The following KATNIP variants were observed in gnomAD, a reference collection of about 807,000 sequenced individuals.
KATNIP encodes the protein katanin interacting protein.
Under a neutral mutation model 174.0 loss-of-function variants are expected in KATNIP, and 126 were observed. That is an observed-to-expected ratio of 0.72 (90% CI 0.63 to 0.84). The LOEUF is 0.84. Among genes scored for constraint, KATNIP ranks in the 40% least tolerant of loss-of-function variants. The pLI is 0.00. For missense variants in KATNIP, 1,958 were observed against 2,109.7 expected, an observed-to-expected ratio of 0.93 and a Z score of 1.41; for synonymous variants, 810 against 835.7, an observed-to-expected ratio of 0.97 and a Z score of 0.53.
chr16:27,715,987 A>G (rs1184724600), intron 13 of KATNIP, among the ~76,000 whole-genome samples: 1 of 152,174 alleles, frequency 6.6e-6, no homozygotes, highest in Non-Finnish European at 1.5e-5. Context: ...AAAAAAAAAA[A>G]AAACTTGTAC....
chr16:27,562,108 C>G (rs1261509300), intron 1 of KATNIP, among the ~76,000 whole-genome samples: 1 of 152,144 alleles, frequency 6.6e-6, no homozygotes, highest in Non-Finnish European at 1.5e-5. Flanking sequence ...GAGTTTGAGA[C>G]CATCCTGGGC....
chr16:27,574,090 G>A (rs973925925), intron 2 of KATNIP, 134 bp downstream of exon 2: 3 of 713,226 alleles, frequency 4.2e-6, no homozygotes, highest in Admixed American at 4.7e-5. Flanking sequence ...TGGAGCAAAT[G>A]ATAGTGAGCA....
chr16:27,685,769 G>A (rs1206899583), intron 8 of KATNIP, among the ~76,000 whole-genome samples: 1 of 152,186 alleles, frequency 6.6e-6, no homozygotes, highest in African/African-American at 2.4e-5. Flanking sequence ...CTGTGGCTAA[G>A]AGGAAAGCTG....
intron 2 of KATNIP, among the ~76,000 whole-genome samples, chr16:27,590,991 A>G (rs1356740822): frequency 6.6e-6 from 1 of 152,096 alleles, no homozygotes; most frequent in African/African-American, 2.4e-5. Context: ...CGGGTAGGAG[A>G]GGCTGATATA....
At chr16:27,640,121 G>A (rs1211828123) in intron 5 of KATNIP, among the ~76,000 whole-genome samples, 5 of 152,250 alleles carry the variant, frequency 3.3e-5, no homozygotes, top group Non-Finnish European at 7.3e-5. Flanking sequence ...ACTGGGCTGA[G>A]TGTGGGCCAG....
chr16:27,648,690 G>A lies in KATNIP; in HGVS notation c.495G>A (p.Gly165=), dbSNP rs2077033184. ...ATTCTGATGATTTTGAGCTGTGTGG[G>A]GATGTGACTCTCCAGGCAAACAACA... is the stretch of plus-strand genomic sequence containing the variant. The part of the protein sequence containing the change: ...VDYSDDFELC[G]DVTLQANNTS... Residue 165 remains glycine, a synonymous_variant, in exon 6 of 28, where the codon GGG becomes GGA. Transcript: ENST00000261588. 1 of 1,614,090 alleles carries A rather than the reference G, an allele frequency of 6.2e-7. No homozygotes were observed. Among genetic ancestry groups the A allele is most frequent in the African/African-American group, 1.3e-5 (1 of 74,940 alleles).
At chr16:27,617,620 A>G (rs1456662893) in intron 2 of KATNIP, among the ~76,000 whole-genome samples, 1 of 152,222 alleles carries the variant, frequency 6.6e-6, no homozygotes, top group Non-Finnish European at 1.5e-5. Flanking sequence ...AAGAGGAGAC[A>G]CAGAACCACA....
intron 6 of KATNIP, among the ~76,000 whole-genome samples, chr16:27,649,810 G>A (rs1280599711): frequency 6.6e-6 from 1 of 152,262 alleles, no homozygotes; most frequent in African/African-American, 2.4e-5. Context: ...AGAGAAGGCA[G>A]TGTTAGCCAG....
At position 27,709,002 on chromosome 16, in the gene KATNIP, G is replaced by A. The variant is rs75842085; in HGVS notation, c.1605+82G>A. The A allele has an allele frequency of 1.4e-3, 1,651 of 1,164,356 alleles. 54 individuals carry two copies. The East Asian group carries it at 0.038, about 27-fold the overall frequency. The allele number at this position is 1,164,356 out of a possible 1,614,324, so 72.1% of individuals were successfully genotyped here. A position where few individuals can be genotyped will look rare whatever the true frequency, so the allele number is the denominator to read the frequency against. On this transcript the variant is annotated intron_variant, in intron 13 of 27. Coordinates refer to ENST00000261588, the MANE Select transcript of KATNIP (RefSeq NM_015202.5). ...TGCCCTTGGTAAATCTGTGTTAAGGGTATGAGTGGAGGGAGGGGAAGAACA... is the reference window on the plus strand; with the variant it reads ...TGCCCTTGGTAAATCTGTGTTAAGGATATGAGTGGAGGGAGGGGAAGAACA...
rs576974554 is a variant in KATNIP at position 27,698,215 on chromosome 16, G to C, written c.941-113G>C. ...GTCTTTTACCGCCTTGACATTTTTG[G>C]AGAGTATGGGCCAGTTGTTTTATAG... is the stretch of plus-strand genomic sequence containing the variant. On this transcript the variant is annotated intron_variant, in intron 8 of 27. Transcript: ENST00000261588. The C allele has an allele frequency of 2.3e-5, 25 of 1,091,328 alleles. 1 individual carries two copies. The East Asian group carries it at 5.5e-4, about 24-fold the overall frequency. 67.6% of individuals were successfully genotyped at this position (1,091,328 alleles called of 1,614,324 possible).
At chr16:27,760,587 G>A (rs1244236905) in intron 18 of KATNIP, among the ~76,000 whole-genome samples, 3 of 152,226 alleles carry the variant, frequency 2.0e-5, no homozygotes, top group Admixed American at 2.0e-4. Flanking sequence ...TAAAATGTCA[G>A]TTTCCAGCGC....
rs1240043023 is a variant in KATNIP, at chr16:27,622,686, CA to C, written c.140+4189del. ...GGAAACTTACAGGAAAACTTGCCCA[CA>C]AAAGTGCTGGGCCTGCAGCCCCAGG... On this transcript the variant is annotated intron_variant, in intron 3 of 27. Transcript: ENST00000261588. 1.4e-4 allele frequency among the ~76,000 whole-genome samples: 22 copies of C among 152,266 alleles called. No individual in the cohort carries two copies. In the East Asian group the frequency reaches 4.3e-3, roughly 29 times the overall value.
chr16:27,628,402 C>T (rs2076391199), intron 3 of KATNIP, among the ~76,000 whole-genome samples: 2 of 152,206 alleles, frequency 1.3e-5, no homozygotes, highest in African/African-American at 2.4e-5. Flanking sequence ...TGTTCTTTTT[C>T]GCTAATGTGT....
intron 14 of KATNIP, among the ~76,000 whole-genome samples, chr16:27,725,548 CAA>C (rs2143079035): frequency 6.6e-6 from 1 of 152,294 alleles, no homozygotes; most frequent in African/African-American, 2.4e-5. Context: ...TGGTAAGAGA[CAA>C]AGCCGGGAAG....
intron 11 of KATNIP, 58 bp from the exon 12 acceptor site, chr16:27,703,838 G>A (rs2079194325): frequency 7.8e-7 from 1 of 1,286,366 alleles, no homozygotes; most frequent in African/African-American, 1.5e-5. Context: ...TGATTGGAAT[G>A]TTCTCTTTTG....
chr16:27,600,507 T>A (rs1333127792), intron 2 of KATNIP, among the ~76,000 whole-genome samples: 2 of 152,174 alleles, frequency 1.3e-5, no homozygotes, highest in Admixed American at 1.3e-4. Context: ...CAGCAGGCTT[T>A]GATCACTCTC....
chr16:27,569,445 G>A (rs983564506), intron 1 of KATNIP, among the ~76,000 whole-genome samples: 6 of 152,182 alleles, frequency 3.9e-5, no homozygotes, highest in South Asian at 4.1e-4. Flanking sequence ...ATAAAGTGAA[G>A]TATATTGGCC....
intron 6 of KATNIP, among the ~76,000 whole-genome samples, chr16:27,668,598 TTCCTC>T: frequency 6.6e-6 from 1 of 152,224 alleles, no homozygotes; most frequent in South Asian, 2.1e-4. Context: ...CAGATGGTCA[TTCCTC>T]CATACCCTGG....
At chr16:27,752,114 T>C (rs1157874895) in intron 17 of KATNIP, among the ~76,000 whole-genome samples, 190 bp downstream of exon 17, 2 of 152,248 alleles carry the variant, frequency 1.3e-5, no homozygotes, top group Non-Finnish European at 2.9e-5. Context: ...TTTTTATTTT[T>C]TTATTTTTTT....
Sources: allele counts gnomAD v4.1 joint callset (sites outside exome capture counted in the v4.1 genomes callset), GRCh38; gene constraint gnomAD v4.1.1; transcripts MANE v1.5; gene names NCBI Gene and HGNC (gene_info 2026-07-23, HGNC 2026-07-21).